Variants in ROBO2 observed in about 807,000 individuals in gnomAD.
The protein encoded by ROBO2 is roundabout guidance receptor 2.
ROBO2 carries 53 observed loss-of-function variants against 160.8 expected under a neutral mutation model. The observed-to-expected ratio is 0.33, with a 90% CI of 0.26 to 0.41. The LOEUF is 0.41. Ranked by LOEUF, ROBO2 falls within the 10% of genes least tolerant of loss-of-function variation. The pLI, the probability that ROBO2 is intolerant of heterozygous loss-of-function variation, is 1.00. For synonymous variants in ROBO2, 664 were observed against 611.7 expected (o/e 1.09, Z -1.26); for missense variants, 1,577 against 1,722.4 (o/e 0.92, Z 1.49).
chr3:77,089,272 C>G (rs971953919), intron 1 of ROBO2, among the ~76,000 whole-genome samples: 17 of 152,132 alleles, frequency 1.1e-4, no homozygotes, highest in African/African-American at 4.1e-4. Context: ...GAGAAAGAAA[C>G]TTCAGTTCTT....
chr3:76,148,920 T>C (rs1271919041), intron 2 of ROBO2, among the ~76,000 whole-genome samples: 2 of 152,116 alleles, frequency 1.3e-5, no homozygotes, highest in African/African-American at 4.8e-5. Flanking sequence ...TTCAGTCACA[T>C]AGTTTTATTT....
intron 2 of ROBO2, among the ~76,000 whole-genome samples, chr3:76,431,963 C>T (rs982698825): frequency 6.6e-6 from 1 of 152,104 alleles, no homozygotes; most frequent in South Asian, 2.1e-4. Flanking sequence ...AAGAGAATGA[C>T]TCCTAGGCAC....
intron 2 of ROBO2, among the ~76,000 whole-genome samples, chr3:76,448,707 T>G (rs2109238600): frequency 6.6e-6 from 1 of 152,308 alleles, no homozygotes; most frequent in East Asian, 1.9e-4. Flanking sequence ...TCCTCTTAGC[T>G]AAGTTTATTA....
At chr3:76,630,055 T>A (rs1178987774) in intron 2 of ROBO2, among the ~76,000 whole-genome samples, 2 of 152,204 alleles carry the variant, frequency 1.3e-5, no homozygotes, top group Non-Finnish European at 2.9e-5. Context: ...TGGCTGACTT[T>A]GGTTTGCATT....
chr3:76,807,221 T>C (rs940916788), intron 2 of ROBO2, among the ~76,000 whole-genome samples: 15 of 152,066 alleles, frequency 9.9e-5, no homozygotes, highest in African/African-American at 3.4e-4. Context: ...ATTATTTATT[T>C]TTCAGCATGT....
At chr3:77,602,210 A>G in exon 20 of ROBO2, 1 of 1,614,174 alleles carries the variant, frequency 6.2e-7, no homozygotes, top group Non-Finnish European at 8.5e-7. Context: ...TTCACCACAG[A>G]TGTGCTGCCA....
intron 2 of ROBO2, among the ~76,000 whole-genome samples, chr3:76,347,511 AGAG>A (rs1438583152): frequency 6.6e-6 from 1 of 152,118 alleles, no homozygotes; most frequent in Non-Finnish European, 1.5e-5. Flanking sequence ...GTAATAATTC[AGAG>A]GAGATGAATT....
intron 16 of ROBO2, among the ~76,000 whole-genome samples, chr3:77,581,694 G>T (rs2093922996): frequency 6.6e-6 from 1 of 152,022 alleles, no homozygotes; most frequent in Non-Finnish European, 1.5e-5. Context: ...CACAGGATTT[G>T]ATCTCATTGA....
rs570131676 is a variant in ROBO2 at position 76,732,898 on chromosome 3, A to G, written c.110-365116A>G. Among the ~76,000 whole-genome samples, 4 of 147,062 alleles carry G rather than the reference A, an allele frequency of 2.7e-5. No homozygotes were observed. In the South Asian group the frequency reaches 8.6e-4, roughly 32 times the overall value. ...ATGATGAGTCCAATGCACTAAGCTG[A>G]TTGTGCATAGCAGATCTTAAGAGTC... On this transcript the variant is annotated intron_variant, in intron 2 of 26. Coordinates refer to the ROBO2 transcript ENST00000487694.
intron 2 of ROBO2, among the ~76,000 whole-genome samples, chr3:76,168,635 C>A (rs1218521415): frequency 6.6e-6 from 1 of 152,100 alleles, no homozygotes; most frequent in Admixed American, 6.5e-5. Context: ...TTTATTTTTG[C>A]AGTACCTTGA....
At chr3:75,959,315 TATTTA>T (rs1294326004) in intron 2 of ROBO2, among the ~76,000 whole-genome samples, 1 of 151,718 alleles carries the variant, frequency 6.6e-6, no homozygotes, top group Non-Finnish European at 1.5e-5. Context: ...TTCACTGAAT[TATTTA>T]ATTATAAATT....
intron 2 of ROBO2, among the ~76,000 whole-genome samples, chr3:76,317,745 T>C (rs1339062484): frequency 6.6e-6 from 1 of 152,078 alleles, no homozygotes; most frequent in Non-Finnish European, 1.5e-5. Flanking sequence ...TTTTTATATA[T>C]AGTAATTGAA....
intron 2 of ROBO2, among the ~76,000 whole-genome samples, chr3:76,322,514 T>C (rs1295108461): frequency 1.3e-5 from 2 of 152,152 alleles, no homozygotes; most frequent in East Asian, 3.9e-4. Context: ...GCCTTATGTA[T>C]ACATAAAAGT....
chr3:76,435,423 GGATAGGCAAAGTGT>G (rs2076628380), intron 2 of ROBO2: 13 of 776,232 alleles, frequency 1.7e-5, no homozygotes, highest in Non-Finnish European at 2.4e-6. Context: ...AGAAATTGCT[GGATAGGCAAAGTGT>G]CTCTGGGTTC....
rs150492630 is a variant in ROBO2, at chr3:77,314,963, C to T, written c.389-162451C>T. Among the ~76,000 whole-genome samples the T allele has an allele frequency of 3.1e-3, 469 of 152,108 alleles. 3 individuals carry two copies. The highest frequency in any genetic ancestry group is 0.011 in the African/African-American group (456 of 41,492). On this transcript the variant is annotated intron_variant, in intron 2 of 25. Coordinates refer to ENST00000461745, the Ensembl canonical transcript of ROBO2. ...TTCAAATGAATCTACTTGGAAGTTTCGTATTTATCTCATTAGCAAAATTAG... is the reference window on the plus strand; with the variant it reads ...TTCAAATGAATCTACTTGGAAGTTTTGTATTTATCTCATTAGCAAAATTAG...
intron 2 of ROBO2, among the ~76,000 whole-genome samples, chr3:77,452,308 C>T (rs2081200202): frequency 6.6e-6 from 1 of 152,096 alleles, no homozygotes; most frequent in Non-Finnish European, 1.5e-5. Flanking sequence ...CAAAGATTTC[C>T]AAACTTTATT....
intron 2 of ROBO2, among the ~76,000 whole-genome samples, chr3:76,991,585 G>A (rs2060666821): frequency 6.6e-6 from 1 of 152,142 alleles, no homozygotes; most frequent in South Asian, 2.1e-4. Flanking sequence ...ATTAAGTTTT[G>A]AGGACTTTCA....
At chr3:76,834,112 T>TTCTTTCTTTCTTTC (rs1267085073) in intron 2 of ROBO2, among the ~76,000 whole-genome samples, 1 of 145,402 alleles carries the variant, frequency 6.9e-6, no homozygotes, top group African/African-American at 2.6e-5. Flanking sequence ...CTTTCTTTCT[T>TTCTTTCTTTCTTTC]TCTCTCTGTC....
At chr3:76,817,156 T>C (rs1471761611) in intron 2 of ROBO2, among the ~76,000 whole-genome samples, 1 of 152,064 alleles carries the variant, frequency 6.6e-6, no homozygotes, top group Non-Finnish European at 1.5e-5. Context: ...ACGGCACATG[T>C]ATACCTGTGT....
Sources: gnomAD v4.1 joint callset for allele counts (sites outside exome capture counted in the v4.1 genomes callset) on GRCh38, gnomAD v4.1.1 for gene constraint, MANE v1.5 for transcripts, NCBI Gene and HGNC (gene_info 2026-07-23, HGNC 2026-07-21) for gene names.